ANKRD6: variants seen among roughly 807,000 people sequenced by gnomAD.
The protein encoded by ANKRD6 is ankyrin repeat domain-containing protein 6.
A neutral mutation model predicts 82.3 loss-of-function variants in ANKRD6; 56 were observed. The ratio of observed to expected loss-of-function variants is 0.68; its 90% CI spans 0.55 to 0.85. The LOEUF is 0.85. Among genes scored for constraint, ANKRD6 ranks in the 40% least tolerant of loss-of-function variants. The pLI, the probability that ANKRD6 is intolerant of heterozygous loss-of-function variation, is 0.00. For synonymous variants in ANKRD6, 347 were observed against 352.1 expected (o/e 0.99, Z 0.16); for missense variants, 852 against 907.6 (o/e 0.94, Z 0.79).
At chr6:89,615,614 C>T (rs1377761561) in intron 7 of ANKRD6, among the ~76,000 whole-genome samples, 1 of 152,190 alleles carries the variant, frequency 6.6e-6, no homozygotes, top group Non-Finnish European at 1.5e-5. Context: ...AAGCACTGTG[C>T]AGAGCTTCCC....
chr6:89,541,387 CTTTTTTTTTTTT>C (rs58643589), intron 1 of ANKRD6, among the ~76,000 whole-genome samples: 2 of 64,074 alleles, frequency 3.1e-5, no homozygotes, highest in Non-Finnish European at 5.3e-5. Flanking sequence ...TTACGTGTGG[CTTTTTTTTTTTT>C]TTTTTTTTTT....
intron 8 of ANKRD6, 41 bp from the exon 9 acceptor site, chr6:89,617,913 C>T (rs1214654231): frequency 6.3e-7 from 1 of 1,590,912 alleles, no homozygotes; most frequent in East Asian, 2.2e-5. Flanking sequence ...CGTGTGGGAC[C>T]CGTGGCCCTT....
chr6:89,509,228 G>A (rs1331796786), intron 1 of ANKRD6: 3 of 152,292 alleles, frequency 2.0e-5, no homozygotes, highest in Non-Finnish European at 4.4e-5. Context: ...GCATCCAGGT[G>A]GGGTTCACCT....
chr6:89,523,146 G>A (rs1037302383), intron 1 of ANKRD6, among the ~76,000 whole-genome samples: 1 of 152,166 alleles, frequency 6.6e-6, no homozygotes, highest in African/African-American at 2.4e-5. Flanking sequence ...AAGTGTATTG[G>A]GTTGTAGGCC....
rs570780296 is a variant in ANKRD6 at position 89,605,061 on chromosome 6, G to A, written c.319-946G>A. 4.1e-5 allele frequency among the ~76,000 whole-genome samples: 6 copies of A among 144,596 alleles called. No homozygotes were observed. In the South Asian group the frequency reaches 1.3e-3, roughly 32 times the overall value. 94.9% of individuals were successfully genotyped at this position (144,596 alleles called of 152,430 possible). On this transcript the variant is annotated intron_variant, in intron 4 of 15. Transcript: ENST00000339746. ...TTAAAATAGTAAGCTAAGCAAATAC[G>A]AGCTATGTTCATTAAATGACTTCTA...
chr6:89,548,980 G>A (rs1785460760), intron 1 of ANKRD6, among the ~76,000 whole-genome samples: 1 of 152,184 alleles, frequency 6.6e-6, no homozygotes, highest in Non-Finnish European at 1.5e-5. Context: ...GCAGAGGCAG[G>A]TGAACTGCTT....
intron 1 of ANKRD6, among the ~76,000 whole-genome samples, chr6:89,537,221 G>C (rs867200064): frequency 2.8e-4 from 42 of 152,130 alleles, no homozygotes; most frequent in African/African-American, 9.6e-4. Context: ...ACAATTTATG[G>C]TATATTACTT....
At chr6:89,588,249 A>G (rs868650100) in intron 2 of ANKRD6, among the ~76,000 whole-genome samples, 9 of 152,372 alleles carry the variant, frequency 5.9e-5, no homozygotes, top group Middle Eastern at 3.4e-3. Flanking sequence ...CTCTTCAGCC[A>G]AATGAAACTC....
intron 1 of ANKRD6, among the ~76,000 whole-genome samples, chr6:89,530,800 A>T (rs1270870495): frequency 6.6e-6 from 1 of 152,192 alleles, no homozygotes; most frequent in Non-Finnish European, 1.5e-5. Context: ...CTGGGTGGAG[A>T]GGTTCCAGTA....
chr6:89,456,265 A>G (rs1582693033), intron 1 of ANKRD6, among the ~76,000 whole-genome samples: 1 of 152,192 alleles, frequency 6.6e-6, no homozygotes, highest in African/African-American at 2.4e-5. Context: ...ACATTTCAGC[A>G]TGAGATTTGG....
At chr6:89,465,784 GC>G (rs773240716) in intron 1 of ANKRD6, among the ~76,000 whole-genome samples, 57 of 152,176 alleles carry the variant, frequency 3.7e-4, no homozygotes, top group Non-Finnish European at 7.4e-4. Flanking sequence ...GATCACTTGA[GC>G]CCGGGAGATC....
rs1468486221 is a variant in ANKRD6, at chr6:89,631,115, T to A, written c.*111T>A. On this transcript the variant is annotated 3_prime_UTR_variant, in exon 16 of 16. Transcript: ENST00000339746. ...TGTATATATTGCAGATTTGCCTTTT[T>A]AAAAAAATCACTAATTCTACAATGT... 2.8e-6 allele frequency: 4 copies of A among 1,406,366 alleles called. No homozygotes were observed. Among genetic ancestry groups the A allele is most frequent in the African/African-American group, 2.9e-5 (2 of 69,314 alleles). The allele number at this position is 1,406,366 out of a possible 1,614,324, so 87.1% of individuals were successfully genotyped here. A position where few individuals can be genotyped will look rare whatever the true frequency, so the allele number is the denominator to read the frequency against.
At chr6:89,537,047 G>A (rs1485559327) in intron 1 of ANKRD6, among the ~76,000 whole-genome samples, 1 of 152,078 alleles carries the variant, frequency 6.6e-6, no homozygotes, top group Non-Finnish European at 1.5e-5. Context: ...TACATGCACA[G>A]ATGAGAGAGT....
intron 2 of ANKRD6, among the ~76,000 whole-genome samples, chr6:89,590,077 G>T (rs949721508): frequency 3.3e-5 from 5 of 152,190 alleles, no homozygotes; most frequent in African/African-American, 1.2e-4. Flanking sequence ...GATAATAGTT[G>T]TATTGGGTTG....
chr6:89,479,601 TTTTATTTATTTA>T (rs529057283), intron 1 of ANKRD6, among the ~76,000 whole-genome samples: 4 of 149,716 alleles, frequency 2.7e-5, no homozygotes, highest in African/African-American at 4.9e-5. Flanking sequence ...TATTTTTTAT[TTTTATTTATTTA>T]TTTATTTATT....
intron 9 of ANKRD6, among the ~76,000 whole-genome samples, chr6:89,618,912 G>A (rs184098983): frequency 1.6e-3 from 237 of 152,276 alleles, no homozygotes; most frequent in African/African-American, 5.5e-3. Flanking sequence ...TTACATTACA[G>A]CAAACACTGA....
intron 1 of ANKRD6, among the ~76,000 whole-genome samples, chr6:89,524,343 C>A (rs1302648844): frequency 6.6e-6 from 1 of 151,954 alleles, no homozygotes; most frequent in Non-Finnish European, 1.5e-5. Flanking sequence ...CTATATTATT[C>A]TTATGTCTTC....
At chr6:89,537,894 A>AG (rs1784031009) in intron 1 of ANKRD6, among the ~76,000 whole-genome samples, 1 of 150,700 alleles carries the variant, frequency 6.6e-6, no homozygotes, top group Non-Finnish European at 1.5e-5. Flanking sequence ...AAAAAAAAAA[A>AG]AAAAAAGAAA....
At chr6:89,600,458 G>C (rs899750277) in intron 3 of ANKRD6, among the ~76,000 whole-genome samples, 2 of 152,170 alleles carry the variant, frequency 1.3e-5, no homozygotes, top group African/African-American at 4.8e-5. Context: ...ACAATACAGA[G>C]TGATAAGCTT....
Sources: allele counts gnomAD v4.1 joint callset (sites outside exome capture counted in the v4.1 genomes callset), GRCh38; gene constraint gnomAD v4.1.1; transcripts MANE v1.5; gene names NCBI Gene and HGNC (gene_info 2026-07-23, HGNC 2026-07-21).